SLC25A30: variants seen among roughly 807,000 people sequenced by gnomAD.
The protein encoded by SLC25A30 is solute carrier family 25 member 30.
SLC25A30 carries 29 observed loss-of-function variants against 42.7 expected under a neutral mutation model. The observed-to-expected ratio is 0.68, with a 90% CI of 0.51 to 0.93. SLC25A30 has a LOEUF of 0.93. Among genes scored for constraint, SLC25A30 ranks in the 40% least tolerant of loss-of-function variants. The pLI is 0.00. For synonymous variants in SLC25A30, 124 were observed against 131.0 expected (o/e 0.95, Z 0.37); for missense variants, 300 against 359.7 (o/e 0.83, Z 1.34).
At chr13:45,428,221 AT>A in the SLC25A30 span, among the ~76,000 whole-genome samples, 6 of 145,122 alleles carry the variant, frequency 4.1e-5, no homozygotes, top group Admixed American at 6.9e-5. Flanking sequence ...TTTTATTTTT[AT>A]TTTTTTTTGA....
chr13:45,410,811 CA>C (rs1327531450), intron 2 of SLC25A30, among the ~76,000 whole-genome samples: 3 of 152,142 alleles, frequency 2.0e-5, no homozygotes, highest in Admixed American at 6.5e-5. Flanking sequence ...GACCCTGTCT[CA>C]AAACAAAAAA....
At chr13:45,412,014 G>T (rs932436093) in intron 1 of SLC25A30, 1 of 136,122 alleles carries the variant, frequency 7.3e-6, no homozygotes. Flanking sequence ...CTGGGGGTGG[G>T]GGGGTGGGGT....
At chr13:45,424,550 T>G in the SLC25A30 span, among the ~76,000 whole-genome samples, 62 of 69,542 alleles carry the variant, frequency 8.9e-4, 4 homozygotes, top group East Asian at 1.1e-3. Flanking sequence ...TATAAATATA[T>G]AAATATATAT....
At chr13:45,424,965 A>AAT in the SLC25A30 span, among the ~76,000 whole-genome samples, 1 of 33,732 alleles carries the variant, frequency 3.0e-5, no homozygotes, top group Admixed American at 4.9e-4. Context: ...TAAATATATA[A>AAT]ATATATATAA....
chr13:45,418,943 A>AAAAAAC (rs1883771739), upstream of SLC25A30, among the ~76,000 whole-genome samples: 2 of 35,632 alleles, frequency 5.6e-5, no homozygotes, highest in Non-Finnish European at 1.1e-4. Context: ...TTCGTCTCAA[A>AAAAAAC]AAAAAAAAAA....
the SLC25A30 span, among the ~76,000 whole-genome samples, chr13:45,428,870 AAG>A: frequency 1.3e-5 from 2 of 151,888 alleles, no homozygotes. Context: ...GAGACAAAAA[AAG>A]AGAAACAAAT....
At chr13:45,429,842 A>AAAAAAC in the SLC25A30 span, among the ~76,000 whole-genome samples, 8 of 151,864 alleles carry the variant, frequency 5.3e-5, no homozygotes, top group South Asian at 1.7e-3. Flanking sequence ...CTCAGAAAAA[A>AAAAAAC]AAAAACAAAA....
chr13:45,423,968 C>CATATATAAACATATATAAAT, the SLC25A30 span, among the ~76,000 whole-genome samples: 2 of 77,636 alleles, frequency 2.6e-5, no homozygotes, highest in East Asian at 9.3e-4. Context: ...TATATATAAA[C>CATATATAAACATATATAAAT]ATATAACAAT....
chr13:45,425,043 T>TAA, the SLC25A30 span, among the ~76,000 whole-genome samples: 1 of 35,180 alleles, frequency 2.8e-5, no homozygotes, highest in Non-Finnish European at 5.3e-5. Context: ...TAAGTATATA[T>TAA]AAATATATAA....
the SLC25A30 span, among the ~76,000 whole-genome samples, chr13:45,429,461 G>C: frequency 6.6e-6 from 1 of 151,934 alleles, no homozygotes; most frequent in African/African-American, 2.4e-5. Context: ...GGAAGAAACT[G>C]AAAAATGGGG....
intron 1 of SLC25A30, among the ~76,000 whole-genome samples, chr13:45,414,404 G>A (rs1390300193): frequency 1.3e-5 from 2 of 152,086 alleles, no homozygotes; most frequent in Non-Finnish European, 2.9e-5. Context: ...GATCACCTGA[G>A]GTCAGGAGTT....
chr13:45,426,256 T>G, the SLC25A30 span, among the ~76,000 whole-genome samples: 1 of 151,726 alleles, frequency 6.6e-6, no homozygotes, highest in Non-Finnish European at 1.5e-5. Context: ...CCAGCTAATT[T>G]TTGTGTTTTT....
chr13:45,425,063 T>TATATATATAA, the SLC25A30 span, among the ~76,000 whole-genome samples: 1 of 77,780 alleles, frequency 1.3e-5, no homozygotes, highest in African/African-American at 5.6e-5. Context: ...AATATATAAG[T>TATATATATAA]ATATATACAT....
chr13:45,398,485 T>TA lies in SLC25A30; in HGVS notation c.753+454dup, dbSNP rs34462747. The TA allele has an allele frequency of 2.8e-3, 406 of 143,104 alleles. 1 individual carries two copies. Among genetic ancestry groups the TA allele is most frequent in the Middle Eastern group, 7.4e-3 (2 of 272 alleles). The allele number at this position is 143,104 out of a possible 1,614,324, so 8.9% of individuals were successfully genotyped here. A position where few individuals can be genotyped will look rare whatever the true frequency, so the allele number is the denominator to read the frequency against. Reference sequence around the variant, plus strand: ...GAAAATAAATAAATAAATATCACCTTAAAAAAAAAAAAAAAGTGACTCCTA... The same window carrying TA: ...GAAAATAAATAAATAAATATCACCTTAAAAAAAAAAAAAAAAGTGACTCCTA... On this transcript the variant is annotated intron_variant, in intron 8 of 9. Coordinates refer to ENST00000519676, the MANE Select transcript of SLC25A30 (RefSeq NM_001010875.4).
intron 3 of SLC25A30, among the ~76,000 whole-genome samples, chr13:45,407,102 A>C (rs1882582308): frequency 6.6e-6 from 1 of 151,758 alleles, no homozygotes; most frequent in Admixed American, 6.6e-5. Context: ...TCTCTATAAA[A>C]AATATAAAAG....
intron 1 of SLC25A30, among the ~76,000 whole-genome samples, chr13:45,415,983 A>G (rs2137699966): frequency 6.6e-6 from 1 of 150,854 alleles, no homozygotes; most frequent in East Asian, 2.1e-4. Context: ...TATTTTTGGT[A>G]GAGATGGGGT....
upstream of SLC25A30, among the ~76,000 whole-genome samples, chr13:45,418,948 A>AG (rs1566218094): frequency 1.9e-5 from 1 of 53,902 alleles, no homozygotes; most frequent in East Asian, 6.5e-4. Flanking sequence ...CTCAAAAAAA[A>AG]AAAAAAAAAA....
chr13:45,398,709 A>G, intron 8 of SLC25A30: 1 of 370,634 alleles, frequency 2.7e-6, no homozygotes, highest in Non-Finnish European at 4.8e-6. Context: ...CAGTTCTTTT[A>G]TAATCACAGG....
chr13:45,424,017 C>A, the SLC25A30 span, among the ~76,000 whole-genome samples: 46,762 of 83,236 alleles, frequency 0.56, 12,839 homozygotes, highest in African/African-American at 0.61. Flanking sequence ...ATATATAAAT[C>A]TGTAAAAATA....
Sources: allele counts gnomAD v4.1 joint callset (sites outside exome capture counted in the v4.1 genomes callset), GRCh38; gene constraint gnomAD v4.1.1; transcripts MANE v1.5; gene names NCBI Gene and HGNC (gene_info 2026-07-23, HGNC 2026-07-21).